TK1: variants seen among roughly 807,000 people sequenced by gnomAD.
TK1 encodes the protein thymidine kinase, cytosolic.
A neutral mutation model predicts 22.4 loss-of-function variants in TK1; 13 were observed. The ratio of observed to expected loss-of-function variants is 0.58; its 90% confidence interval spans 0.38 to 0.92. TK1 has a LOEUF of 0.92. Among genes scored for constraint, TK1 ranks in the 40% least tolerant of loss-of-function variants. TK1 has a pLI of 0.00. For missense variants in TK1, 251 were observed against 315.7 expected, an observed-to-expected ratio of 0.80 and a Z score of 1.55; for synonymous variants, 134 against 125.4, an observed-to-expected ratio of 1.07 and a Z score of -0.46.
chr17:78,187,027 T>C lies in TK1; in HGVS notation c.-33A>G, dbSNP rs1373581678. On this transcript the variant is annotated 5_prime_UTR_variant, in exon 1 of 7. Coordinates refer to ENST00000301634, the MANE Select transcript of TK1 (RefSeq NM_003258.5). ...CCGGGAAGTTCACGAACCCGAGTACTCTCCAAGGCCGTCCCGCAGTAAGCC... is the reference window on the plus strand; with the variant it reads ...CCGGGAAGTTCACGAACCCGAGTACCCTCCAAGGCCGTCCCGCAGTAAGCC... The C allele has an allele frequency of 1.3e-6, 2 of 1,587,200 alleles. No homozygotes were observed. The highest frequency in any genetic ancestry group is 1.7e-6 in the Non-Finnish European group (2 of 1,166,184).
At chr17:78,175,878 C>T (rs2075695972) in intron 4 of TK1, among the ~76,000 whole-genome samples, 1 of 152,218 alleles carries the variant, frequency 6.6e-6, no homozygotes, top group African/African-American at 2.4e-5. Context: ...CAGGACTCAG[C>T]ACCGGACTTC....
chr17:78,179,192 GC>G, intron 4 of TK1: 1 of 985,422 alleles, frequency 1.0e-6, no homozygotes, highest in Non-Finnish European at 1.2e-6. Context: ...AGGAGGGAGA[GC>G]CTTGCCAAAG....
At chr17:78,179,780 CTAAG>C in intron 4 of TK1, 1 of 984,218 alleles carries the variant, frequency 1.0e-6, no homozygotes, top group African/African-American at 1.7e-5. Context: ...TAGAACTAGA[CTAAG>C]TGTGGCCAGG....
At chr17:78,187,128 A>T (rs766641233), upstream of TK1, 20 of 1,071,604 alleles carry the variant, frequency 1.9e-5, no homozygotes, top group Non-Finnish European at 2.5e-5. Flanking sequence ...CATGGGGCCA[A>T]TCAGCGCCCG....
At position 78,186,956 on chromosome 17, in the gene TK1, G is replaced by A. The variant is rs757486249; in HGVS notation, c.39C>T (p.Ser13=). The A allele has an allele frequency of 5.1e-6, 8 of 1,575,024 alleles. No individual in the cohort carries two copies. In the Admixed American group the frequency reaches 9.2e-5, roughly 18 times the overall value. The part of the protein sequence containing the change: ...CINLPTVLPG[S]PSKTRGQIQV... ...GGATCTGCCCCCGGGTCTTGCTGGGGGAGCCAGGCAGCACAGTGGGCAGGT... is the reference window on the plus strand; with the variant it reads ...GGATCTGCCCCCGGGTCTTGCTGGGAGAGCCAGGCAGCACAGTGGGCAGGT... The change falls in exon 1 of 7, where the codon TCC becomes TCT. Residue 13 remains serine, a synonymous_variant. Coordinates refer to ENST00000301634, the MANE Select transcript of TK1 (RefSeq NM_003258.5).
At position 78,182,806 on chromosome 17, in the gene TK1, C is replaced by T. The variant is rs367591477; in HGVS notation, c.210-124G>A. On this transcript the variant is annotated intron_variant, in intron 3 of 6. Transcript: ENST00000301634. ...AAAGCAGGCTCAGTGTTCACCCAGC[C>T]GGGCTTTGAGAAGTTAGCACCTATG... is the stretch of plus-strand genomic sequence containing the variant. The T allele has an allele frequency of 6.5e-5, 40 of 611,696 alleles. No homozygotes were observed. The East Asian group carries it at 6.7e-4, about 10-fold the overall frequency. 37.9% of individuals were successfully genotyped at this position (611,696 alleles called of 1,614,324 possible). A position where few individuals can be genotyped will look rare whatever the true frequency, so the allele number is the denominator to read the frequency against.
chr17:78,184,413 G>A (rs73377441), intron 3 of TK1, among the ~76,000 whole-genome samples: 4,680 of 152,324 alleles, frequency 0.031, 214 homozygotes, highest in African/African-American at 0.1. Flanking sequence ...CAAGCAAAGC[G>A]TCTCAGGCTC....
intron 4 of TK1, 51 bp downstream of exon 4, chr17:78,182,538 G>A: frequency 7.0e-7 from 1 of 1,421,832 alleles, no homozygotes; most frequent in Admixed American, 2.2e-5. Flanking sequence ...GAAAACGGGA[G>A]GACAGAGCGG....
Position 78,187,020 on chromosome 17 carries a change from CG to C in TK1, c.-27del. On this transcript the variant is annotated 5_prime_UTR_variant, in exon 1 of 7. Transcript: ENST00000301634. ...TGCGCCTCCGGGAAGTTCACGAACC[CG>C]AGTACTCTCCAAGGCCGTCCCGCAG... The C allele has an allele frequency of 6.3e-7, 1 of 1,588,540 alleles. No homozygotes were observed.
At chr17:78,176,769 G>A (rs1039416315) in intron 4 of TK1, among the ~76,000 whole-genome samples, 7 of 152,192 alleles carry the variant, frequency 4.6e-5, no homozygotes, top group Non-Finnish European at 8.8e-5. Flanking sequence ...ATTTGAGGCC[G>A]GATCTCGCTG....
Position 78,175,510 on chromosome 17 carries a change from C to T in TK1, c.393+19G>A. On this transcript the variant is annotated intron_variant, in intron 5 of 6. Coordinates refer to ENST00000301634, the MANE Select transcript of TK1 (RefSeq NM_003258.5). Reference sequence around the variant, plus strand: ...TGCCCTCCTCAATCCCAGCTCCAGACCTGGATCAGACGCCTTACCTTCCTC... The same window carrying T: ...TGCCCTCCTCAATCCCAGCTCCAGATCTGGATCAGACGCCTTACCTTCCTC... The T allele has an allele frequency of 3.1e-6, 5 of 1,609,306 alleles. No individual in the cohort carries two copies. The highest frequency in any genetic ancestry group is 1.1e-5 in the South Asian group (1 of 90,766).
At chr17:78,176,155 C>T (rs1442192762) in intron 4 of TK1, among the ~76,000 whole-genome samples, 5 of 152,114 alleles carry the variant, frequency 3.3e-5, no homozygotes, top group Admixed American at 6.6e-5. Flanking sequence ...TGAGAAGGGG[C>T]GGGGGTCCTA....
chr17:78,179,430 A>G, intron 4 of TK1: 1 of 985,438 alleles, frequency 1.0e-6, no homozygotes, highest in South Asian at 4.7e-5. Context: ...AAGGTCAGAA[A>G]CGGAATGGCC....
At chr17:78,176,832 A>G (rs2075703883) in intron 4 of TK1, among the ~76,000 whole-genome samples, 1 of 151,834 alleles carries the variant, frequency 6.6e-6, no homozygotes, top group African/African-American at 2.4e-5. Flanking sequence ...CACCCATTAG[A>G]TAGATGCCAG....
intron 4 of TK1, among the ~76,000 whole-genome samples, chr17:78,180,035 C>T (rs953136184): frequency 2.0e-5 from 3 of 152,196 alleles, no homozygotes; most frequent in South Asian, 2.1e-4. Flanking sequence ...TGCGCCACTG[C>T]ACTCCAGCCT....
intron 2 of TK1, 87 bp downstream of exon 2, chr17:78,186,680 AAGGGAAGGGGAGGGGAGGGG>A (rs2075799866): frequency 8.7e-6 from 6 of 693,460 alleles, no homozygotes; most frequent in Non-Finnish European, 1.0e-5. Flanking sequence ...AAGGGGAGGG[AAGGGAAGGGGAGGGGAGGGG>A]AGGGGAGGGA....
intron 5 of TK1, 76 bp downstream of exon 5, chr17:78,175,453 G>A (rs975938412): frequency 1.6e-5 from 23 of 1,422,584 alleles, no homozygotes; most frequent in Non-Finnish European, 2.2e-5. Context: ...GTCACCCAGA[G>A]CTGGTGTCTC....
At chr17:78,186,403 A>G (rs1007283272) in intron 2 of TK1, among the ~76,000 whole-genome samples, 18 of 152,174 alleles carry the variant, frequency 1.2e-4, no homozygotes, top group Admixed American at 3.3e-4. Context: ...TGGCCTTAGA[A>G]GGAAACAGCC....
intron 2 of TK1, among the ~76,000 whole-genome samples, chr17:78,186,541 G>A (rs2075796073): frequency 6.6e-6 from 1 of 151,996 alleles, no homozygotes; most frequent in Non-Finnish European, 1.5e-5. Flanking sequence ...GGAGGGAGTG[G>A]CGTCCACACA....
Sources: gnomAD v4.1 joint callset for allele counts (sites outside exome capture counted in the v4.1 genomes callset) on GRCh38, gnomAD v4.1.1 for gene constraint, MANE v1.5 for transcripts, NCBI Gene and HGNC (gene_info 2026-07-23, HGNC 2026-07-21) for gene names.